GABRG3: variants seen among roughly 807,000 people sequenced by gnomAD.
The protein encoded by GABRG3 is gamma-aminobutyric acid type A receptor subunit gamma3.
A neutral mutation model predicts 48.8 loss-of-function variants in GABRG3; 25 were observed. That is an observed-to-expected ratio of 0.51 (90% confidence interval 0.37 to 0.72). GABRG3 has a LOEUF of 0.72. Among genes scored for constraint, GABRG3 ranks in the 30% least tolerant of loss-of-function variants. The probability of loss-of-function intolerance (pLI) is 0.00; values close to 1 mark genes in which losing one functional copy is unlikely to be tolerated. For missense variants in GABRG3, 394 were observed against 577.9 expected (o/e 0.68, Z 3.26); for synonymous variants, 227 against 217.6 (o/e 1.04, Z -0.38).
intron 2 of GABRG3, among the ~76,000 whole-genome samples, chr15:27,015,994 CA>C (rs1260825481): frequency 1.3e-5 from 2 of 152,180 alleles, no homozygotes; most frequent in Non-Finnish European, 2.9e-5. Flanking sequence ...TTGATGACTC[CA>C]CCTACCTCTT....
chr15:27,393,805 A>G (rs1887220240), intron 5 of GABRG3, among the ~76,000 whole-genome samples: 2 of 152,206 alleles, frequency 1.3e-5, no homozygotes, highest in South Asian at 2.1e-4. Context: ...GCAAGATGGA[A>G]TAGAAAGGAA....
In GABRG3 at chr15:27,411,406, T is replaced by C. The variant is rs553980036; in HGVS notation, c.575-69244T>C. 4.6e-5 allele frequency among the ~76,000 whole-genome samples: 7 copies of C among 152,242 alleles called. No homozygotes were observed. The South Asian group carries it at 1.5e-3, about 32-fold the overall frequency. Reference sequence around the variant, plus strand: ...ATGGTTACCATAGTTATAAAGTTCCTCAATTCAAGGCTGTCACAGAAATGA... The same window carrying C: ...ATGGTTACCATAGTTATAAAGTTCCCCAATTCAAGGCTGTCACAGAAATGA... On this transcript the variant is annotated intron_variant, in intron 5 of 9. Transcript: ENST00000615808.
At position 27,267,102 on chromosome 15, in the gene GABRG3, CTTTT is replaced by C. The variant is rs57772496; in HGVS notation, c.271-59689_271-59686del. Among the ~76,000 whole-genome samples, 432 of 112,822 alleles carry C rather than the reference CTTTT, an allele frequency of 3.8e-3. 1 individual carries two copies. Among genetic ancestry groups the C allele is most frequent in the Non-Finnish European group, 6.6e-3 (362 of 55,256 alleles). 74.0% of individuals were successfully genotyped at this position (112,822 alleles called of 152,430 possible). On this transcript the variant is annotated intron_variant, in intron 3 of 9. Transcript: ENST00000615808. The stretch of plus-strand genomic sequence containing the variant: ...TAGGGGGAAAACATCTAGTCTTTTA[CTTTT>C]TTTTTTTTTTTTTTTTTGAGACAGA...
chr15:27,501,859 CAGG>C (rs1890648620), intron 6 of GABRG3, among the ~76,000 whole-genome samples: 1 of 152,022 alleles, frequency 6.6e-6, no homozygotes. Flanking sequence ...CACCTACAAG[CAGG>C]AGAAGAGTGT....
At chr15:27,003,998 TC>T (rs1403454446) in intron 2 of GABRG3, among the ~76,000 whole-genome samples, 4 of 141,672 alleles carry the variant, frequency 2.8e-5, no homozygotes, top group Admixed American at 6.9e-5. Context: ...CCCACCTCCC[TC>T]CCGGACGGGG....
intron 5 of GABRG3, among the ~76,000 whole-genome samples, chr15:27,405,741 C>T (rs2140593031): frequency 6.6e-6 from 1 of 152,034 alleles, no homozygotes; most frequent in South Asian, 2.1e-4. Context: ...TTTGAAGCGG[C>T]AACAGCCCAG....
At chr15:27,065,718 G>A (rs143926426) in intron 3 of GABRG3, among the ~76,000 whole-genome samples, 173 of 152,310 alleles carry the variant, frequency 1.1e-3, no homozygotes, top group Middle Eastern at 6.8e-3. Context: ...GGCAGTCACC[G>A]GGGTCACCTT....
At chr15:27,121,692 G>A (rs987157861) in intron 3 of GABRG3, among the ~76,000 whole-genome samples, 4 of 152,180 alleles carry the variant, frequency 2.6e-5, no homozygotes, top group African/African-American at 9.7e-5. Context: ...AAATAGTTGA[G>A]CCAGTGTATG....
chr15:27,030,193 C>A (rs915133786), intron 3 of GABRG3, among the ~76,000 whole-genome samples: 1 of 152,066 alleles, frequency 6.6e-6, no homozygotes, highest in African/African-American at 2.4e-5. Context: ...GGGGTTTGAC[C>A]GTAAAGGTAA....
At chr15:27,285,517 T>C (rs906717283) in intron 3 of GABRG3, among the ~76,000 whole-genome samples, 7 of 152,296 alleles carry the variant, frequency 4.6e-5, no homozygotes, top group South Asian at 2.1e-4. Context: ...TTGTATATCA[T>C]GTTTGAATTA....
At chr15:27,176,314 C>T (rs1387703841) in intron 3 of GABRG3, among the ~76,000 whole-genome samples, 4 of 152,164 alleles carry the variant, frequency 2.6e-5, no homozygotes, top group African/African-American at 9.7e-5. Flanking sequence ...GCTGTAGGGG[C>T]TATTGTGCTT....
In GABRG3 at chr15:27,457,026, G is replaced by A. The variant is rs2150833699; in HGVS notation, c.575-23624G>A. 6.6e-6 allele frequency among the ~76,000 whole-genome samples: 1 copy of A among 152,308 alleles called. No individual in the cohort carries two copies. The highest frequency in any genetic ancestry group is 1.5e-5 in the Non-Finnish European group (1 of 68,034). On this transcript the variant is annotated intron_variant, in intron 5 of 9. Transcript: ENST00000615808. The surrounding 1 kb of genome is among the most constrained non-coding windows in gnomAD (Gnocchi z 4.4). ...CCACCTACCACGCCGACCTCAGAAGGACCTGTGACAGCAGGGGTGTGGAAG... is the reference window on the plus strand; with the variant it reads ...CCACCTACCACGCCGACCTCAGAAGAACCTGTGACAGCAGGGGTGTGGAAG...
At chr15:27,350,098 A>G (rs1401278229) in intron 5 of GABRG3, 2 of 455,954 alleles carry the variant, frequency 4.4e-6, no homozygotes, top group Admixed American at 2.3e-5. Context: ...CACTCTTATC[A>G]CGTTTTTCTT....
Position 27,527,460 on chromosome 15 carries a change from C to G in GABRG3, c.893C>G (p.Thr298Ser). The G allele has an allele frequency of 6.2e-7, 1 of 1,613,920 alleles. No individual in the cohort carries two copies. Among genetic ancestry groups the G allele is most frequent in the Non-Finnish European group, 8.5e-7 (1 of 1,179,870 alleles). The change falls in exon 8 of 10, where the codon ACC becomes AGC. Residue 298 changes from threonine (T) to serine (S), a missense_variant. Thr to Ser is a moderately conservative substitution (Grantham distance 58). Coordinates refer to ENST00000615808, the MANE Select transcript of GABRG3 (RefSeq NM_033223.5). ...LGITTVLTMT[T>S]LSTIARKSLP... ...ATCACCACGGTGCTGACCATGACCACCCTGAGCACCATCGCCAGGAAGTCC... is the reference window on the plus strand; with the variant it reads ...ATCACCACGGTGCTGACCATGACCAGCCTGAGCACCATCGCCAGGAAGTCC...
At chr15:27,050,050 G>A (rs1240321605) in intron 3 of GABRG3, among the ~76,000 whole-genome samples, 1 of 152,164 alleles carries the variant, frequency 6.6e-6, no homozygotes, top group African/African-American at 2.4e-5. Context: ...AAAGCAGAGA[G>A]GAAACACACA....
At chr15:27,383,846 T>C (rs1435402162) in intron 5 of GABRG3, among the ~76,000 whole-genome samples, 1 of 152,234 alleles carries the variant, frequency 6.6e-6, no homozygotes, top group Non-Finnish European at 1.5e-5. Context: ...GTAACTTGTA[T>C]ATAATAAAAC....
At position 27,199,554 on chromosome 15, in the gene GABRG3, C is replaced by A. The variant is rs1188832198; in HGVS notation, c.271-127255C>A. On this transcript the variant is annotated intron_variant, in intron 3 of 9. Transcript: ENST00000615808. The stretch of plus-strand genomic sequence containing the variant: ...CCCTCATGAAGGGCTTGGTGTCCTC[C>A]CAGTGGTAATGGGTGAATTCTTGTT... Among the ~76,000 whole-genome samples, 3 of 152,044 alleles carry A rather than the reference C, an allele frequency of 2.0e-5. No homozygotes were observed. In the East Asian group the frequency reaches 5.8e-4, roughly 29 times the overall value.
At chr15:27,208,383 G>T in intron 3 of GABRG3, 1 of 227,852 alleles carries the variant, frequency 4.4e-6, no homozygotes. Flanking sequence ...TTGATGCCCA[G>T]GTAGGTGATG....
intron 6 of GABRG3, among the ~76,000 whole-genome samples, chr15:27,506,718 A>C (rs1401761664): frequency 1.3e-5 from 2 of 152,224 alleles, no homozygotes; most frequent in African/African-American, 4.8e-5. Context: ...CTACATCTGC[A>C]ATCAATTGTT....
Sources: gnomAD v4.1 joint callset for allele counts (sites outside exome capture counted in the v4.1 genomes callset) on GRCh38, gnomAD v4.1.1 for gene constraint, Gnocchi (gnomAD v3.1) non-coding constraint, MANE v1.5 for transcripts, NCBI Gene and HGNC (gene_info 2026-07-23, HGNC 2026-07-21) for gene names.